The following MPRIP variants were observed in gnomAD, a reference collection of about 807,000 sequenced individuals.
MPRIP encodes myosin phosphatase Rho-interacting protein.
Under a neutral mutation model 234.9 loss-of-function variants are expected in MPRIP, and 59 were observed. The ratio of observed to expected loss-of-function variants is 0.25; its 90% CI spans 0.20 to 0.31. MPRIP has a LOEUF of 0.31. MPRIP is among the 10% of genes least tolerant of loss of function. MPRIP has a pLI of 1.00. For synonymous variants in MPRIP, 1,144 were observed against 1,263.9 expected (o/e 0.91, Z 2.01); for missense variants, 2,436 against 3,071.0 (o/e 0.79, Z 4.89).
intron 7 of MPRIP, chr17:17,142,397 T>G: frequency 2.0e-6 from 1 of 491,938 alleles, no homozygotes; most frequent in Non-Finnish European, 3.7e-6. Flanking sequence ...CTGCAGGGCC[T>G]CTAGCGCGGG....
intron 3 of MPRIP, among the ~76,000 whole-genome samples, chr17:17,101,952 C>T (rs1420273990): frequency 1.3e-5 from 2 of 152,194 alleles, no homozygotes; most frequent in Non-Finnish European, 2.9e-5. Context: ...TCAAATGTCA[C>T]CCGCAGGGAG....
At chr17:17,098,388 C>T (rs2089892978) in intron 3 of MPRIP, among the ~76,000 whole-genome samples, 1 of 152,196 alleles carries the variant, frequency 6.6e-6, no homozygotes, top group African/African-American at 2.4e-5. Context: ...CTGCAAGCCT[C>T]TTCCCACCCA....
intron 3 of MPRIP, among the ~76,000 whole-genome samples, chr17:17,115,835 A>G (rs1187178235): frequency 6.6e-6 from 1 of 152,086 alleles, no homozygotes; most frequent in Non-Finnish European, 1.5e-5. Flanking sequence ...GACCAACACC[A>G]TGGACTTGGT....
intron 1 of MPRIP, among the ~76,000 whole-genome samples, chr17:17,067,788 TCC>T (rs2089080734): frequency 2.4e-5 from 3 of 125,202 alleles, no homozygotes; most frequent in Admixed American, 1.7e-4. Context: ...TTCTTCTTCT[TCC>T]TTTTTTTTTT....
At chr17:17,169,759 T>C (rs866204459) in intron 16 of MPRIP, among the ~76,000 whole-genome samples, 45 of 152,252 alleles carry the variant, frequency 3.0e-4, no homozygotes, top group Middle Eastern at 3.2e-3. Context: ...ACTTGGGTCG[T>C]TGGGGACAGG....
Position 17,167,197 on chromosome 17 carries a change from C to G in MPRIP, c.5606C>G (p.Ser1869Cys). 3.8e-6 allele frequency: 5 copies of G among 1,304,114 alleles called. No homozygotes were observed. The highest frequency in any genetic ancestry group is 5.1e-6 in the Non-Finnish European group (5 of 988,942). The allele number at this position is 1,304,114 out of a possible 1,614,324, so 80.8% of individuals were successfully genotyped here. The change falls in exon 16 of 24, where the codon TCC becomes TGC. Residue 1869 changes from serine (S) to cysteine (C), a missense_variant. Coordinates refer to ENST00000651222, the MANE Select transcript of MPRIP (RefSeq NM_001364716.4). The surrounding 1 kb of genome is among the most constrained non-coding windows in gnomAD (Gnocchi z 5.9). ...YEKELQLCKE[S>C]WQTREPSCSE... ...AAGGAGCTCCAGCTCTGCAAGGAGTCCTGGCAAACCCGGGAGCCCTCCTGC... is the reference window on the plus strand; with the variant it reads ...AAGGAGCTCCAGCTCTGCAAGGAGTGCTGGCAAACCCGGGAGCCCTCCTGC...
At chr17:17,126,603 G>C in intron 3 of MPRIP, 99 bp from the exon 4 acceptor site, 1 of 1,357,982 alleles carries the variant, frequency 7.4e-7, no homozygotes, top group South Asian at 1.4e-5. Context: ...CACTCCTAGA[G>C]GCCCCACAGG....
chr17:17,171,519 G>T, intron 16 of MPRIP, 199 bp from the exon 17 acceptor site: 1 of 611,498 alleles, frequency 1.6e-6, no homozygotes, highest in East Asian at 2.7e-5. Context: ...ACCCTTTTCT[G>T]AATGCTCTGA....
At chr17:17,151,240 C>G (rs2045596265) in intron 12 of MPRIP, among the ~76,000 whole-genome samples, 1 of 152,100 alleles carries the variant, frequency 6.6e-6, no homozygotes, top group Admixed American at 6.5e-5. Flanking sequence ...CAAAAATTCA[C>G]TAGAATGACT....
At chr17:17,124,749 C>T (rs967486321) in intron 3 of MPRIP, among the ~76,000 whole-genome samples, 6 of 152,190 alleles carry the variant, frequency 3.9e-5, no homozygotes, top group African/African-American at 1.4e-4. Flanking sequence ...TGCGCTTTTG[C>T]ATGGGGGTGT....
rs1448203346 is a variant in MPRIP, at chr17:17,084,893, A to G, written c.267+6817A>G. Among the ~76,000 whole-genome samples the G allele has an allele frequency of 5.3e-5, 8 of 152,254 alleles. No individual in the cohort carries two copies. The South Asian group carries it at 8.3e-4, about 16-fold the overall frequency. ...AGAGAGATTTACAGAAATCAGAACA[A>G]TAAGAACATAGAGCCTGTAACTGTC... On this transcript the variant is annotated intron_variant, in intron 3 of 23. Transcript: ENST00000651222.
At chr17:17,111,706 C>T (rs546045495) in intron 3 of MPRIP, among the ~76,000 whole-genome samples, 2 of 152,204 alleles carry the variant, frequency 1.3e-5, no homozygotes, top group South Asian at 4.1e-4. Flanking sequence ...CAAGTGGGAA[C>T]TGCGGACTGA....
intron 1 of MPRIP, among the ~76,000 whole-genome samples, chr17:17,066,471 C>T (rs2089027522): frequency 6.6e-6 from 1 of 152,080 alleles, no homozygotes; most frequent in African/African-American, 2.4e-5. Flanking sequence ...AAACCGGCAT[C>T]CCTGGAATAA....
chr17:17,081,907 T>C (rs1283201865), intron 3 of MPRIP, among the ~76,000 whole-genome samples: 1 of 152,154 alleles, frequency 6.6e-6, no homozygotes, highest in Non-Finnish European at 1.5e-5. Context: ...AAATGCAGGC[T>C]GAGGTGAGGT....
chr17:17,095,411 G>A (rs138715949), intron 3 of MPRIP, among the ~76,000 whole-genome samples: 179 of 152,266 alleles, frequency 1.2e-3, no homozygotes, highest in African/African-American at 4.0e-3. Context: ...TAGAATGTCC[G>A]CACGTACGAG....
intron 3 of MPRIP, among the ~76,000 whole-genome samples, chr17:17,086,667 A>T (rs538404594): frequency 6.6e-6 from 1 of 152,222 alleles, no homozygotes; most frequent in Non-Finnish European, 1.5e-5. Context: ...CCCAGGTAGG[A>T]TGGAAACGCT....
intron 16 of MPRIP, chr17:17,169,138 A>G (rs1346060706): frequency 2.6e-6 from 1 of 390,022 alleles, no homozygotes; most frequent in Non-Finnish European, 5.2e-6. Context: ...AGTTGTGAGA[A>G]GGTTTCAACA....
chr17:17,172,910 C>A (rs2046175504), intron 18 of MPRIP, 95 bp downstream of exon 18: 2 of 1,170,096 alleles, frequency 1.7e-6, no homozygotes, highest in Admixed American at 4.2e-5. Context: ...TTGCAGAGGC[C>A]TCCAGAAGTG....
intron 3 of MPRIP, chr17:17,097,208 T>C (rs1324567544): frequency 2.5e-5 from 5 of 196,394 alleles, no homozygotes; most frequent in African/African-American, 1.1e-4. Flanking sequence ...AATTGCCTAT[T>C]AAACCCCACA....
Sources: allele counts gnomAD v4.1 joint callset (sites outside exome capture counted in the v4.1 genomes callset), GRCh38; gene constraint gnomAD v4.1.1; non-coding constraint Gnocchi (gnomAD v3.1); transcripts MANE v1.5; gene names NCBI Gene and HGNC (gene_info 2026-07-23, HGNC 2026-07-21).